Variants in THSD4 observed in about 807,000 individuals in gnomAD.
THSD4 encodes thrombospondin type 1 domain containing 4.
Under a neutral mutation model 119.0 loss-of-function variants are expected in THSD4, and 69 were observed. The ratio of observed to expected loss-of-function variants is 0.58; its 90% CI spans 0.48 to 0.71. THSD4 has a LOEUF of 0.71. Ranked by LOEUF, THSD4 falls within the 30% of genes least tolerant of loss-of-function variation. The probability of loss-of-function intolerance (pLI) is 0.00; values close to 1 mark genes in which losing one functional copy is unlikely to be tolerated. For missense variants in THSD4, 1,393 were observed against 1,391.1 expected (o/e 1.00, Z -0.02); for synonymous variants, 524 against 540.4 (o/e 0.97, Z 0.42).
At chr15:71,654,661 T>C (rs1216906577) in intron 7 of THSD4, among the ~76,000 whole-genome samples, 2 of 152,224 alleles carry the variant, frequency 1.3e-5, no homozygotes, top group Admixed American at 6.5e-5. Context: ...ATGTCATGAA[T>C]AAACGTTTTG....
At chr15:71,395,786 T>A (rs921171665) in intron 6 of THSD4, among the ~76,000 whole-genome samples, 9 of 151,052 alleles carry the variant, frequency 6.0e-5, no homozygotes, top group African/African-American at 2.2e-4. Context: ...TTCCTTGGAG[T>A]TTTCCCCTGA....
At chr15:71,272,787 C>A (rs978177686) in intron 6 of THSD4, among the ~76,000 whole-genome samples, 3 of 151,920 alleles carry the variant, frequency 2.0e-5, no homozygotes, top group Non-Finnish European at 4.4e-5. Context: ...TCACTTGAAC[C>A]CGGGAGGCGG....
intron 11 of THSD4, among the ~76,000 whole-genome samples, chr15:71,744,203 T>A (rs2053290797): frequency 6.6e-6 from 1 of 151,414 alleles, no homozygotes; most frequent in Non-Finnish European, 1.5e-5. Context: ...TTTAACAAAT[T>A]CTGGCTTTTT....
chr15:71,581,618 T>G (rs2049560739), intron 7 of THSD4, among the ~76,000 whole-genome samples: 1 of 146,360 alleles, frequency 6.8e-6, no homozygotes, highest in South Asian at 2.2e-4. Flanking sequence ...TCAAAAAACT[T>G]TTTTCCTCTT....
intron 6 of THSD4, among the ~76,000 whole-genome samples, chr15:71,286,741 A>G (rs1396384971): frequency 1.3e-5 from 2 of 152,190 alleles, no homozygotes; most frequent in Admixed American, 6.5e-5. Flanking sequence ...GTCTTCCACA[A>G]TGGCTGAACT....
intron 16 of THSD4, among the ~76,000 whole-genome samples, chr15:71,765,554 G>A (rs908372706): frequency 6.6e-6 from 1 of 152,166 alleles, no homozygotes; most frequent in African/African-American, 2.4e-5. Flanking sequence ...TCTTTGTACT[G>A]CATTTTGAGC....
intron 7 of THSD4, among the ~76,000 whole-genome samples, chr15:71,525,183 CATTT>C (rs1236743638): frequency 6.6e-6 from 1 of 152,158 alleles, no homozygotes; most frequent in Admixed American, 6.6e-5. Context: ...TGTAATGTCT[CATTT>C]AATTCTCATG....
chr15:71,146,461 T>A (rs1271035785), intron 2 of THSD4, among the ~76,000 whole-genome samples: 2 of 149,022 alleles, frequency 1.3e-5, no homozygotes, highest in East Asian at 1.9e-4. Context: ...TTTTTTTTTT[T>A]AATCTTGGCT....
At chr15:71,408,997 G>GACAAGGGAC (rs1169160117) in intron 6 of THSD4, among the ~76,000 whole-genome samples, 1 of 152,130 alleles carries the variant, frequency 6.6e-6, no homozygotes, top group Non-Finnish European at 1.5e-5. Flanking sequence ...TTGTCCTCAG[G>GACAAGGGAC]TTTATTTATC....
At chr15:71,155,355 G>C (rs374124533) in intron 3 of THSD4, among the ~76,000 whole-genome samples, 1 of 152,170 alleles carries the variant, frequency 6.6e-6, no homozygotes, top group African/African-American at 2.4e-5. Flanking sequence ...CTGCACCAAG[G>C]GGGATAGTGT....
chr15:71,426,016 G>T (rs1323777256), intron 7 of THSD4, among the ~76,000 whole-genome samples: 1 of 152,194 alleles, frequency 6.6e-6, no homozygotes, highest in Non-Finnish European at 1.5e-5. Context: ...CTAAGAAAGT[G>T]TGAGTGCATG....
At chr15:71,768,139 G>A (rs1417056203) in intron 16 of THSD4, among the ~76,000 whole-genome samples, 3 of 152,074 alleles carry the variant, frequency 2.0e-5, no homozygotes, top group Non-Finnish European at 4.4e-5. Flanking sequence ...AAGAGTAAAG[G>A]TGCTGAGGGA....
chr15:71,613,898 A>T (rs540709319), intron 7 of THSD4, among the ~76,000 whole-genome samples: 1 of 152,248 alleles, frequency 6.6e-6, no homozygotes, highest in Admixed American at 6.5e-5. Context: ...ATATCTGTCT[A>T]TGGTCTGAAT....
At chr15:71,337,392 C>G (rs2045502264) in intron 6 of THSD4, among the ~76,000 whole-genome samples, 1 of 152,188 alleles carries the variant, frequency 6.6e-6, no homozygotes, top group Non-Finnish European at 1.5e-5. Flanking sequence ...GGAAACCTGC[C>G]CCTGGAGGGC....
intron 6 of THSD4, among the ~76,000 whole-genome samples, chr15:71,355,875 A>G (rs2045803452): frequency 6.6e-6 from 1 of 151,514 alleles, no homozygotes; most frequent in South Asian, 2.1e-4. Context: ...ATTTTATTTT[A>G]TTTTATTTTT....
chr15:71,236,458 A>G (rs1399777036), intron 4 of THSD4, among the ~76,000 whole-genome samples: 1 of 152,240 alleles, frequency 6.6e-6, no homozygotes. Flanking sequence ...GATACCAGAA[A>G]TGCTCTCACA....
At chr15:71,539,581 G>A (rs529829277) in intron 7 of THSD4, among the ~76,000 whole-genome samples, 195 of 152,124 alleles carry the variant, frequency 1.3e-3, no homozygotes, top group Middle Eastern at 3.4e-3. Context: ...TTCATTTTCC[G>A]TATTTTTTGA....
chr15:71,308,134 T>C (rs2045057981), intron 6 of THSD4, among the ~76,000 whole-genome samples: 2 of 152,192 alleles, frequency 1.3e-5, no homozygotes, highest in Non-Finnish European at 2.9e-5. Context: ...GGGTGGTCTA[T>C]GTTCTCAGAC....
chr15:71,569,338 G>A (rs1342234918), intron 7 of THSD4, among the ~76,000 whole-genome samples: 2 of 152,154 alleles, frequency 1.3e-5, no homozygotes, highest in African/African-American at 4.8e-5. Flanking sequence ...GAGAGGGAGG[G>A]AGGACAGGAG....
Sources: gnomAD v4.1 joint callset for allele counts (sites outside exome capture counted in the v4.1 genomes callset) on GRCh38, gnomAD v4.1.1 for gene constraint, MANE v1.5 for transcripts, NCBI Gene and HGNC (gene_info 2026-07-23, HGNC 2026-07-21) for gene names.